The following PTPRD variants were observed in gnomAD, a reference collection of about 807,000 sequenced individuals.
PTPRD encodes the protein protein tyrosine phosphatase receptor type D, also known as receptor-type tyrosine-protein phosphatase delta.
In PTPRD, 34 loss-of-function variants were observed where a neutral mutation model predicts 214.5. That is an observed-to-expected ratio of 0.16 (90% CI 0.12 to 0.21). PTPRD has a LOEUF of 0.21. PTPRD is among the 10% of genes least tolerant of loss of function. The pLI, the probability that PTPRD is intolerant of heterozygous loss-of-function variation, is 1.00. For missense variants in PTPRD, 2,545 were observed against 2,398.7 expected (o/e 1.06, Z -1.27); for synonymous variants, 1,128 against 845.7 (o/e 1.33, Z -5.79).
intron 12 of PTPRD, among the ~76,000 whole-genome samples, chr9:8,681,704 C>T (rs76604595): frequency 1.3e-5 from 2 of 152,090 alleles, no homozygotes; most frequent in African/African-American, 2.4e-5. Context: ...GTAGAGATAC[C>T]CCACTGCAAA....
intron 3 of PTPRD, among the ~76,000 whole-genome samples, chr9:10,228,137 G>A (rs1476284090): frequency 1.6e-5 from 2 of 122,922 alleles, no homozygotes; most frequent in South Asian, 2.8e-4. Context: ...AATATCCAAA[G>A]TTCTAGATAC....
intron 9 of PTPRD, among the ~76,000 whole-genome samples, chr9:9,336,007 T>C (rs1384966536): frequency 1.3e-5 from 2 of 152,010 alleles, no homozygotes; most frequent in South Asian, 4.1e-4. Context: ...AATTGGAATT[T>C]CAGGAAAAAA....
intron 3 of PTPRD, among the ~76,000 whole-genome samples, chr9:10,058,848 A>G (rs768252305): frequency 1.2e-4 from 19 of 152,238 alleles, no homozygotes; most frequent in Non-Finnish European, 2.6e-4. Context: ...AGTTGTAAAT[A>G]TTTAACATGC....
chr9:9,864,919 T>A (rs1325355599), intron 5 of PTPRD, among the ~76,000 whole-genome samples: 1 of 152,160 alleles, frequency 6.6e-6, no homozygotes, highest in African/African-American at 2.4e-5. Flanking sequence ...TATTTTAGGA[T>A]AAATTATAAA....
chr9:9,004,711 T>C (rs1299915890), intron 11 of PTPRD, among the ~76,000 whole-genome samples: 1 of 152,072 alleles, frequency 6.6e-6, no homozygotes, highest in Non-Finnish European at 1.5e-5. Context: ...CAAAACTGCC[T>C]GTATACCAGA....
chr9:9,494,269 CAT>C (rs1223996396), intron 8 of PTPRD, among the ~76,000 whole-genome samples: 2 of 152,154 alleles, frequency 1.3e-5, no homozygotes, highest in Non-Finnish European at 2.9e-5. Context: ...ATTACATAAA[CAT>C]ATTGATAAAG....
chr9:9,899,147 C>T (rs988081215), intron 5 of PTPRD, among the ~76,000 whole-genome samples: 3 of 151,846 alleles, frequency 2.0e-5, no homozygotes, highest in South Asian at 4.1e-4. Context: ...CTATAGTATA[C>T]CCCAAGAAGA....
chr9:9,532,940 T>G (rs2075795726), intron 8 of PTPRD, among the ~76,000 whole-genome samples: 1 of 152,310 alleles, frequency 6.6e-6, no homozygotes, highest in South Asian at 2.1e-4. Flanking sequence ...TTTTACCACA[T>G]TCATTCCTTC....
chr9:9,562,890 T>C (rs777702671), intron 8 of PTPRD, among the ~76,000 whole-genome samples: 1 of 152,176 alleles, frequency 6.6e-6, no homozygotes, highest in Non-Finnish European at 1.5e-5. Flanking sequence ...CTCTCCACAC[T>C]GGAATCCAAG....
At chr9:8,817,947 G>A (rs1182688775) in intron 11 of PTPRD, among the ~76,000 whole-genome samples, 2 of 152,116 alleles carry the variant, frequency 1.3e-5, no homozygotes, top group Admixed American at 1.3e-4. Context: ...GTTTTTAAAA[G>A]GCAAAGCATC....
chr9:10,510,762 G>T (rs577023229), intron 2 of PTPRD, among the ~76,000 whole-genome samples: 2 of 152,042 alleles, frequency 1.3e-5, no homozygotes, highest in Admixed American at 6.6e-5. Flanking sequence ...GTAAATTATT[G>T]TTAACTATAG....
At chr9:9,040,897 A>G (rs1022023041) in intron 10 of PTPRD, among the ~76,000 whole-genome samples, 2 of 152,174 alleles carry the variant, frequency 1.3e-5, no homozygotes, top group African/African-American at 4.8e-5. Context: ...GTGCTAAAGA[A>G]GAAATTCCCC....
At chr9:10,240,086 C>T (rs1001095638) in intron 3 of PTPRD, among the ~76,000 whole-genome samples, 1 of 151,840 alleles carries the variant, frequency 6.6e-6, no homozygotes, top group Non-Finnish European at 1.5e-5. Context: ...CTGAGTTGTC[C>T]CACCCAATCT....
At chr9:8,383,859 T>C (rs1393254120) in intron 37 of PTPRD, among the ~76,000 whole-genome samples, 2 of 152,132 alleles carry the variant, frequency 1.3e-5, no homozygotes, top group African/African-American at 2.4e-5. Flanking sequence ...GGCAAGCTGG[T>C]GAGGTGAAGT....
In PTPRD at chr9:10,033,149, C is replaced by G. The variant is rs141022856; in HGVS notation, c.-472+569G>C. 2.9e-3 allele frequency among the ~76,000 whole-genome samples: 439 copies of G among 150,904 alleles called. 1 individual carries two copies. The highest frequency in any genetic ancestry group is 0.01 in the African/African-American group (415 of 41,208). ...GAAACACACTCATACACACACAAACCTACATGCTCTTAAAATATTTATGAG... is the reference window on the plus strand; with the variant it reads ...GAAACACACTCATACACACACAAACGTACATGCTCTTAAAATATTTATGAG... On this transcript the variant is annotated intron_variant, in intron 4 of 45. Transcript: ENST00000381196.
intron 5 of PTPRD, among the ~76,000 whole-genome samples, chr9:9,841,432 T>A (rs996549296): frequency 6.6e-6 from 1 of 152,146 alleles, no homozygotes; most frequent in Admixed American, 6.6e-5. Context: ...ACTCTTTGAT[T>A]TGGGATAAGT....
chr9:9,174,833 C>A (rs1457175035), intron 10 of PTPRD, among the ~76,000 whole-genome samples: 2 of 151,708 alleles, frequency 1.3e-5, no homozygotes, highest in African/African-American at 4.8e-5. Context: ...TTTTTTAAGA[C>A]CGTGAGATTT....
rs191146238 is a variant in PTPRD at position 9,237,629 on chromosome 9, T to C, written c.-202-54266A>G. On this transcript the variant is annotated intron_variant, in intron 9 of 45. Transcript: ENST00000381196. The stretch of plus-strand genomic sequence containing the variant: ...GTTGGTTGAAATCTGACAAGAGATT[T>C]GCAATAATTTTTTTTTAAGAGCTCC... 2.5e-3 allele frequency among the ~76,000 whole-genome samples: 380 copies of C among 152,242 alleles called. 1 individual carries two copies. The highest frequency in any genetic ancestry group is 0.01 in the Middle Eastern group (3 of 294).
chr9:8,434,036 C>T lies in PTPRD; in HGVS notation c.4086+2556G>A, dbSNP rs963834987. Among the ~76,000 whole-genome samples the T allele has an allele frequency of 3.3e-5, 5 of 152,096 alleles. No homozygotes were observed. In the East Asian group the frequency reaches 7.7e-4, roughly 23 times the overall value. ...CACTCTTGTCACCCAGGCTGGAGTG[C>T]AATGGTGCGACCCTTGGCTCACTGC... On this transcript the variant is annotated intron_variant, in intron 35 of 45. Coordinates refer to ENST00000381196, the MANE Select transcript of PTPRD (RefSeq NM_002839.4).
Sources: allele counts gnomAD v4.1 joint callset (sites outside exome capture counted in the v4.1 genomes callset), GRCh38; gene constraint gnomAD v4.1.1; transcripts MANE v1.5; gene names NCBI Gene and HGNC (gene_info 2026-07-23, HGNC 2026-07-21).